GSK3B: variants seen among roughly 807,000 people sequenced by gnomAD.
The protein encoded by GSK3B is glycogen synthase kinase-3 beta.
A neutral mutation model predicts 56.4 loss-of-function variants in GSK3B; 15 were observed. That is an observed-to-expected ratio of 0.27 (90% CI 0.18 to 0.41). GSK3B has a LOEUF of 0.41. Among genes scored for constraint, GSK3B ranks in the 10% least tolerant of loss-of-function variants. The pLI is 1.00. For synonymous variants in GSK3B, 181 were observed against 188.9 expected, an observed-to-expected ratio of 0.96 and a Z score of 0.34; for missense variants, 300 against 513.4, an observed-to-expected ratio of 0.58 and a Z score of 4.02.
chr3:119,972,130 C>T (rs1428876382), intron 2 of GSK3B, among the ~76,000 whole-genome samples: 3 of 151,986 alleles, frequency 2.0e-5, no homozygotes, highest in Admixed American at 6.6e-5. Context: ...AATAATTAAC[C>T]AATTTAGGTG....
At chr3:119,840,172 T>C (rs1310934812) in intron 10 of GSK3B, among the ~76,000 whole-genome samples, 1 of 152,048 alleles carries the variant, frequency 6.6e-6, no homozygotes, top group Non-Finnish European at 1.5e-5. Context: ...AGGATGGATG[T>C]CAATCCTGCC....
chr3:119,859,024 A>C (rs11914561), intron 9 of GSK3B, among the ~76,000 whole-genome samples: 1 of 152,112 alleles, frequency 6.6e-6, no homozygotes, highest in Non-Finnish European at 1.5e-5. Context: ...GGATGTAATA[A>C]CAATGAAAAA....
intron 1 of GSK3B, among the ~76,000 whole-genome samples, chr3:120,044,762 GA>G (rs113540704): frequency 0.026 from 3,944 of 152,288 alleles, 174 homozygotes; most frequent in African/African-American, 0.089. Flanking sequence ...CTACTAGCAA[GA>G]ATGGCTTGGA....
chr3:119,941,716 G>A (rs1472763668), intron 3 of GSK3B, among the ~76,000 whole-genome samples: 1 of 152,198 alleles, frequency 6.6e-6, no homozygotes, highest in Non-Finnish European at 1.5e-5. Context: ...TTTATTAAGT[G>A]TTAATTTATA....
chr3:120,021,703 T>C (rs193039141), intron 1 of GSK3B, among the ~76,000 whole-genome samples: 2 of 152,282 alleles, frequency 1.3e-5, no homozygotes, highest in Admixed American at 1.3e-4. Flanking sequence ...TGCTGCAATC[T>C]TGTGATCAAA....
At chr3:120,041,434 T>C in intron 1 of GSK3B, 1 of 269,662 alleles carries the variant, frequency 3.7e-6, no homozygotes, top group South Asian at 5.4e-5. Context: ...GAAACACATA[T>C]CATGCATACC....
At chr3:120,074,308 A>G (rs1576311321) in intron 1 of GSK3B, among the ~76,000 whole-genome samples, 1 of 151,840 alleles carries the variant, frequency 6.6e-6, no homozygotes, top group Non-Finnish European at 1.5e-5. Context: ...TCTAAAAAAA[A>G]AAAGAAAGAA....
intron 1 of GSK3B, among the ~76,000 whole-genome samples, chr3:120,075,284 C>A (rs1027518466): frequency 6.6e-6 from 1 of 152,034 alleles, no homozygotes; most frequent in Non-Finnish European, 1.5e-5. Context: ...TAATCAATGG[C>A]GAGAAACTGA....
At chr3:120,079,343 CACACACATTTT>C (rs1356861055) in intron 1 of GSK3B, among the ~76,000 whole-genome samples, 4 of 125,714 alleles carry the variant, frequency 3.2e-5, no homozygotes, top group South Asian at 4.8e-4. Flanking sequence ...CACACACACA[CACACACATTTT>C]TTTTTTTAAT....
chr3:119,945,049 A>G (rs1400590416), intron 3 of GSK3B, among the ~76,000 whole-genome samples: 2 of 152,200 alleles, frequency 1.3e-5, no homozygotes, highest in Non-Finnish European at 2.9e-5. Flanking sequence ...TTACTACTTG[A>G]TCTCCTGAAG....
intron 7 of GSK3B, among the ~76,000 whole-genome samples, chr3:119,880,043 AACTG>A (rs1292340381): frequency 2.6e-5 from 4 of 152,118 alleles, no homozygotes; most frequent in African/African-American, 7.2e-5. Context: ...GGAGCCTCCA[AACTG>A]TTCTCCATGG....
At chr3:119,962,675 T>A (rs1576232286) in intron 2 of GSK3B, among the ~76,000 whole-genome samples, 1 of 152,180 alleles carries the variant, frequency 6.6e-6, no homozygotes, top group African/African-American at 2.4e-5. Context: ...TTCAGTCAAG[T>A]TGCAGGACAC....
intron 1 of GSK3B, among the ~76,000 whole-genome samples, chr3:120,024,839 A>G (rs1391212250): frequency 6.6e-6 from 1 of 152,222 alleles, no homozygotes; most frequent in African/African-American, 2.4e-5. Flanking sequence ...GTGGGAAGCG[A>G]TAACATTAAT....
intron 1 of GSK3B, among the ~76,000 whole-genome samples, chr3:120,092,030 G>A (rs764340620): frequency 6.6e-6 from 1 of 152,000 alleles, no homozygotes; most frequent in Non-Finnish European, 1.5e-5. Flanking sequence ...CAGTTCTTTA[G>A]TTCTCTCAGT....
chr3:119,968,992 A>G lies in GSK3B; in HGVS notation c.283-21641T>C, dbSNP rs192755486. ...TAGGTATAAATCTAACAAAATATGT[A>G]CAAGATCTATATCATGAGGCCGGGA... On this transcript the variant is annotated intron_variant, in intron 2 of 10. Coordinates refer to ENST00000264235, the MANE Select transcript of GSK3B (RefSeq NM_001146156.2). Among the ~76,000 whole-genome samples the G allele has an allele frequency of 3.9e-5, 6 of 152,334 alleles. No individual in the cohort carries two copies. The East Asian group carries it at 1.2e-3, about 29-fold the overall frequency.
At chr3:120,076,673 G>A (rs1015592992) in intron 1 of GSK3B, among the ~76,000 whole-genome samples, 1 of 151,498 alleles carries the variant, frequency 6.6e-6, no homozygotes, top group Admixed American at 6.6e-5. Flanking sequence ...AATTAGCCGG[G>A]CATGGTGGCG....
At chr3:120,035,049 T>C (rs1055709857) in intron 1 of GSK3B, among the ~76,000 whole-genome samples, 1 of 151,904 alleles carries the variant, frequency 6.6e-6, no homozygotes, top group Non-Finnish European at 1.5e-5. Context: ...GCTGAGATCG[T>C]GCCACTGCAC....
In GSK3B at chr3:119,822,704, T is replaced by C. The variant is rs902195486; in HGVS notation, c.*4084A>G. On this transcript the variant is annotated 3_prime_UTR_variant, in exon 11 of 11. Coordinates refer to ENST00000264235, the MANE Select transcript of GSK3B (RefSeq NM_001146156.2). ...TTTCTACCAGAAAAGACAGATTTTA[T>C]TGTAAAGCATACCTACTTTTCCACA... 2 of 228,424 alleles carry C rather than the reference T, an allele frequency of 8.8e-6. No individual in the cohort carries two copies. The highest frequency in any genetic ancestry group is 4.4e-5 in the African/African-American group (2 of 45,054). 14.1% of individuals were successfully genotyped at this position (228,424 alleles called of 1,614,324 possible).
chr3:119,855,585 T>A (rs966227628), intron 9 of GSK3B, among the ~76,000 whole-genome samples: 11 of 152,144 alleles, frequency 7.2e-5, no homozygotes, highest in Non-Finnish European at 1.2e-4. Flanking sequence ...AACCCAAATG[T>A]CCATCAATGA....
Sources: gnomAD v4.1 joint callset for allele counts (sites outside exome capture counted in the v4.1 genomes callset) on GRCh38, gnomAD v4.1.1 for gene constraint, MANE v1.5 for transcripts, NCBI Gene and HGNC (gene_info 2026-07-23, HGNC 2026-07-21) for gene names.